The following KCTD1 variants were observed in gnomAD, a reference collection of about 807,000 sequenced individuals.
KCTD1 encodes the protein BTB/POZ domain-containing protein KCTD1.
In KCTD1, 24 loss-of-function variants were observed where a neutral mutation model predicts 66.0. The ratio of observed to expected loss-of-function variants is 0.36; its 90% CI spans 0.26 to 0.51. KCTD1 has a LOEUF of 0.51. Among genes scored for constraint, KCTD1 ranks in the 20% least tolerant of loss-of-function variants. The probability of loss-of-function intolerance (pLI) is 0.95; values close to 1 mark genes in which losing one functional copy is unlikely to be tolerated. For synonymous variants in KCTD1, 511 were observed against 517.2 expected, an observed-to-expected ratio of 0.99 and a Z score of 0.16; for missense variants, 943 against 1,205.2, an observed-to-expected ratio of 0.78 and a Z score of 3.22.
upstream of KCTD1, among the ~76,000 whole-genome samples, chr18:26,641,789 G>A (rs1377899908): frequency 6.6e-6 from 1 of 152,142 alleles, no homozygotes. Context: ...AACTCTAATG[G>A]CAGGTATCAG....
At chr18:26,623,422 G>A (rs556409348) in intron 1 of KCTD1, among the ~76,000 whole-genome samples, 1 of 152,308 alleles carries the variant, frequency 6.6e-6, no homozygotes, top group South Asian at 2.1e-4. Flanking sequence ...TCAGTAGGAT[G>A]TAATTGAATC....
intron 3 of KCTD1, among the ~76,000 whole-genome samples, chr18:26,463,694 G>T (rs980084469): frequency 2.0e-5 from 3 of 152,074 alleles, no homozygotes; most frequent in African/African-American, 7.2e-5. Context: ...CCACCACTAC[G>T]CCCGGCTAAT....
At chr18:26,490,741 G>C (rs1481529180) in intron 2 of KCTD1, among the ~76,000 whole-genome samples, 1 of 151,936 alleles carries the variant, frequency 6.6e-6, no homozygotes, top group African/African-American at 2.4e-5. Flanking sequence ...TTAAAACCTA[G>C]GGCATAGGTT....
chr18:26,491,246 G>C (rs1982186460), intron 2 of KCTD1, among the ~76,000 whole-genome samples: 1 of 152,142 alleles, frequency 6.6e-6, no homozygotes. Flanking sequence ...ACAGCAGGAG[G>C]GTGGTGACTA....
intron 1 of KCTD1, among the ~76,000 whole-genome samples, chr18:26,564,296 C>G (rs1444978995): frequency 6.6e-6 from 1 of 152,196 alleles, no homozygotes; most frequent in Admixed American, 6.5e-5. Flanking sequence ...CAGTCAAATT[C>G]TGATTAACAC....
chr18:26,569,285 G>A (rs775666507), intron 1 of KCTD1, among the ~76,000 whole-genome samples: 1 of 152,182 alleles, frequency 6.6e-6, no homozygotes, highest in African/African-American at 2.4e-5. Flanking sequence ...ATTGAACCCT[G>A]TGCTTATATC....
At chr18:26,541,476 C>A (rs1984971138) in intron 1 of KCTD1, among the ~76,000 whole-genome samples, 1 of 152,202 alleles carries the variant, frequency 6.6e-6, no homozygotes, top group Admixed American at 6.5e-5. Flanking sequence ...ATATCCACCC[C>A]TGCCAAATAA....
chr18:26,576,534 G>A (rs769656178), intron 1 of KCTD1, among the ~76,000 whole-genome samples: 37 of 152,100 alleles, frequency 2.4e-4, no homozygotes, highest in Non-Finnish European at 4.7e-4. Flanking sequence ...AGTTATACAT[G>A]TTCCTAGCAG....
At chr18:26,576,937 C>T (rs1986238548) in intron 1 of KCTD1, among the ~76,000 whole-genome samples, 3 of 152,122 alleles carry the variant, frequency 2.0e-5, no homozygotes, top group Non-Finnish European at 4.4e-5. Flanking sequence ...TTTCATATTG[C>T]AGAAGTAAAC....
At chr18:26,603,005 C>A (rs1986931340) in intron 1 of KCTD1, among the ~76,000 whole-genome samples, 2 of 152,100 alleles carry the variant, frequency 1.3e-5, no homozygotes, top group African/African-American at 4.8e-5. Flanking sequence ...ACAAGGCTGA[C>A]AAAAACATGC....
At chr18:26,549,496 G>A, upstream of KCTD1, 7 of 969,500 alleles carry the variant, frequency 7.2e-6, no homozygotes, top group South Asian at 1.4e-4. Context: ...GGGGAGACGA[G>A]GGAAGAGGCG....
Position 26,468,165 on chromosome 18 carries a change from T to G in KCTD1, c.2134-8240A>C, listed in dbSNP as rs1306546437. ...TCATGTGCAGGGCATAAAACAACAA[T>G]GAGCAAATCAGTAAAATTGGAGGGA... On this transcript the variant is annotated intron_variant, in intron 3 of 4. Transcript: ENST00000580059. The surrounding 1 kb of genome is among the most constrained non-coding windows in gnomAD (Gnocchi z 4.8). Among the ~76,000 whole-genome samples the G allele has an allele frequency of 2.0e-5, 3 of 152,112 alleles. No homozygotes were observed. Among genetic ancestry groups the G allele is most frequent in the Non-Finnish European group, 1.5e-5 (1 of 68,024 alleles).
chr18:26,478,381 C>T (rs919615158), intron 2 of KCTD1, among the ~76,000 whole-genome samples: 1 of 152,118 alleles, frequency 6.6e-6, no homozygotes, highest in South Asian at 2.1e-4. Flanking sequence ...TCCCTTACAA[C>T]GATTGGAATG....
intron 1 of KCTD1, among the ~76,000 whole-genome samples, chr18:26,558,220 C>T (rs1985755367): frequency 6.6e-6 from 1 of 152,220 alleles, no homozygotes; most frequent in Non-Finnish European, 1.5e-5. Flanking sequence ...CATCACTGAT[C>T]ATCAAGAGAA....
chr18:26,476,766 C>T lies in KCTD1; in HGVS notation c.1989-107G>A, dbSNP rs1981371440. The T allele has an allele frequency of 2.1e-6, 2 of 945,002 alleles. No homozygotes were observed. The highest frequency in any genetic ancestry group is 5.3e-5 in the Admixed American group (2 of 37,876). 58.5% of individuals were successfully genotyped at this position (945,002 alleles called of 1,614,324 possible). On this transcript the variant is annotated intron_variant, in intron 2 of 4. Coordinates refer to ENST00000580059, the MANE Select transcript of KCTD1 (RefSeq NM_001142730.3). The surrounding 1 kb of genome is among the most constrained non-coding windows in gnomAD (Gnocchi z 4.9). ...TCAAAGGTAGCACTTTTGAAGATGGCAGTAGGGAAAAATTACGATTGTCTG... is the reference window on the plus strand; with the variant it reads ...TCAAAGGTAGCACTTTTGAAGATGGTAGTAGGGAAAAATTACGATTGTCTG...
chr18:26,578,053 C>CT (rs1420139405), intron 1 of KCTD1, among the ~76,000 whole-genome samples: 2,727 of 124,716 alleles, frequency 0.022, 59 homozygotes, highest in African/African-American at 0.073. Flanking sequence ...CTTTTCTTTT[C>CT]TTTCTTTTTT....
At chr18:26,601,919 A>C (rs1047133954) in intron 1 of KCTD1, among the ~76,000 whole-genome samples, 5 of 152,098 alleles carry the variant, frequency 3.3e-5, no homozygotes, top group Admixed American at 1.3e-4. Context: ...ATATATTAAA[A>C]ATTTATGTCA....
At chr18:26,611,973 C>G (rs915854509) in intron 1 of KCTD1, among the ~76,000 whole-genome samples, 1 of 152,176 alleles carries the variant, frequency 6.6e-6, no homozygotes, top group Non-Finnish European at 1.5e-5. Context: ...TGAAGCAAGA[C>G]TTTCCTTAGT....
intron 1 of KCTD1, among the ~76,000 whole-genome samples, chr18:26,583,765 A>C (rs1226510843): frequency 6.6e-6 from 1 of 152,232 alleles, no homozygotes; most frequent in East Asian, 1.9e-4. Context: ...GTTTTAGGAA[A>C]TTTAAAAATA....
Sources: allele counts gnomAD v4.1 joint callset (sites outside exome capture counted in the v4.1 genomes callset), GRCh38; gene constraint gnomAD v4.1.1; non-coding constraint Gnocchi (gnomAD v3.1); transcripts MANE v1.5; gene names NCBI Gene and HGNC (gene_info 2026-07-23, HGNC 2026-07-21).